Variants in TIMM23B observed in about 807,000 individuals in gnomAD.
TIMM23B encodes translocase of inner mitochondrial membrane 23 homolog B, also known as mitochondrial import inner membrane translocase subunit Tim23B.
A neutral mutation model predicts 27.3 loss-of-function variants in TIMM23B; 27 were observed. The ratio of observed to expected loss-of-function variants is 0.99; its 90% confidence interval spans 0.73 to 1.36. The LOEUF is 1.36. TIMM23B is among the 40% of genes most tolerant of loss of function. TIMM23B has a pLI of 0.00. For missense variants in TIMM23B, 205 were observed against 244.2 expected, an observed-to-expected ratio of 0.84 and a Z score of 1.07; for synonymous variants, 73 against 92.4, an observed-to-expected ratio of 0.79 and a Z score of 1.21.
intron 2 of TIMM23B, among the ~76,000 whole-genome samples, chr10:49,949,186 C>T (rs1471887865): frequency 7.1e-6 from 1 of 141,826 alleles, no homozygotes; most frequent in Non-Finnish European, 1.5e-5. Context: ...GCATGAGCCA[C>T]CATGCCTGGC....
chr10:49,942,996 CTAAAGA>C (rs1270022910), intron 1 of TIMM23B, among the ~76,000 whole-genome samples: 1 of 152,224 alleles, frequency 6.6e-6, no homozygotes, highest in African/African-American at 2.4e-5. Flanking sequence ...GAACTTGGAC[CTAAAGA>C]TAGGCAGTTG....
intron 6 of TIMM23B, among the ~76,000 whole-genome samples, chr10:49,960,184 C>T (rs1433700095): frequency 2.0e-5 from 3 of 150,776 alleles, no homozygotes; most frequent in Admixed American, 6.6e-5. Context: ...GCTGGGACTA[C>T]AGGCACACGC....
intron 4 of TIMM23B, among the ~76,000 whole-genome samples, chr10:49,953,214 A>G (rs1178950078): frequency 6.6e-6 from 1 of 152,168 alleles, no homozygotes; most frequent in Non-Finnish European, 1.5e-5. Flanking sequence ...TGGAATCATG[A>G]GTATGTATTC....
Position 49,951,490 on chromosome 10 carries a change from A to G in TIMM23B, c.166-636A>G, listed in dbSNP as rs1347900923. Among the ~76,000 whole-genome samples the G allele has an allele frequency of 3.9e-3, 587 of 152,046 alleles. 7 individuals carry two copies. Among genetic ancestry groups the G allele is most frequent in the African/African-American group, 0.014 (567 of 41,452 alleles). On this transcript the variant is annotated intron_variant, in intron 2 of 6. Transcript: ENST00000651259. ...CATTGACTCTTCAAAATTGGTAACC[A>G]TATTTTGCTCTTAAGAGTGTCATTT...
rs1554856861 is a variant in TIMM23B, at chr10:49,973,050, C to T, written c.553C>T (p.Leu185=). ...TTTGGATTCCCCGTTCTGTGTGCTGCTGTCTGGCTCCTGAACCCAGCTGTA... is the reference window on the plus strand; with the variant it reads ...TTTGGATTCCCCGTTCTGTGTGCTGTTGTCTGGCTCCTGAACCCAGCTGTA... ...MALDSPFCVL[L]SGS Residue 185 remains leucine, a synonymous_variant, in exon 7 of 7, where the codon CTG becomes TTG. Coordinates refer to ENST00000651259, the MANE Select transcript of TIMM23B (RefSeq NM_001290117.2). The T allele has an allele frequency of 6.5e-7, 1 of 1,533,038 alleles. No homozygotes were observed. Among genetic ancestry groups the T allele is most frequent in the Non-Finnish European group, 8.7e-7 (1 of 1,146,298 alleles). The allele number at this position is 1,533,038 out of a possible 1,614,324, so 95.0% of individuals were successfully genotyped here. A position where few individuals can be genotyped will look rare whatever the true frequency, so the allele number is the denominator to read the frequency against.
chr10:49,948,004 TTATATC>T (rs1433574578), intron 2 of TIMM23B, among the ~76,000 whole-genome samples: 2 of 152,178 alleles, frequency 1.3e-5, no homozygotes, highest in Non-Finnish European at 2.9e-5. Context: ...GATAAGGAAT[TTATATC>T]TAGAATATTT....
chr10:49,952,747 C>T (rs1441143087), intron 4 of TIMM23B, among the ~76,000 whole-genome samples: 1 of 147,518 alleles, frequency 6.8e-6, no homozygotes, highest in Non-Finnish European at 1.5e-5. Context: ...ATCAGTGTCC[C>T]TCAATCAGCT....
At chr10:49,958,521 G>C in intron 6 of TIMM23B, 41 bp downstream of exon 6, 2 of 1,591,816 alleles carry the variant, frequency 1.3e-6, no homozygotes, top group Non-Finnish European at 1.7e-6. Context: ...TAATATACTT[G>C]AAGTGCGCTT....
intron 4 of TIMM23B, 85 bp from the exon 5 acceptor site, chr10:49,954,917 A>G (rs1260720836): frequency 2.6e-6 from 4 of 1,537,148 alleles, no homozygotes; most frequent in Admixed American, 3.4e-5. Context: ...GGGTCTAGAC[A>G]TGTTAAATAG....
intron 5 of TIMM23B, 55 bp from the exon 6 acceptor site, chr10:49,958,315 A>G (rs1760443616): frequency 7.4e-7 from 1 of 1,354,058 alleles, no homozygotes; most frequent in African/African-American, 1.4e-5. Context: ...TATGTATATC[A>G]TAATATCACA....
intron 2 of TIMM23B, among the ~76,000 whole-genome samples, 184 bp from the exon 3 acceptor site, chr10:49,951,942 G>T (rs1490696907): frequency 6.6e-6 from 1 of 152,126 alleles, no homozygotes; most frequent in Non-Finnish European, 1.5e-5. Flanking sequence ...ACTGTGTTTC[G>T]TATTTCATTT....
intron 2 of TIMM23B, among the ~76,000 whole-genome samples, chr10:49,945,999 G>T (rs1220156186): frequency 5.1e-4 from 77 of 152,324 alleles, no homozygotes; most frequent in South Asian, 4.1e-4. Flanking sequence ...AGACCAGCCT[G>T]GCCAACATAG....
intron 3 of TIMM23B, 69 bp from the exon 4 acceptor site, chr10:49,952,380 T>C (rs1384444145): frequency 3.2e-6 from 5 of 1,543,254 alleles, no homozygotes; most frequent in Non-Finnish European, 4.4e-6. Flanking sequence ...GAAGTGTAGT[T>C]ATGCAGTTTT....
chr10:49,943,250 C>T (rs1404566230), intron 1 of TIMM23B: 4 of 151,800 alleles, frequency 2.6e-5, no homozygotes, highest in Admixed American at 2.0e-4. Flanking sequence ...GGACCTCGTT[C>T]TGTCACCCAT....
At chr10:49,954,300 G>A in intron 4 of TIMM23B, 3 of 452,790 alleles carry the variant, frequency 6.6e-6, no homozygotes, top group South Asian at 1.7e-5. Flanking sequence ...TCATCCAGTT[G>A]CCTCCATCAC....
At chr10:49,952,336 T>C in intron 3 of TIMM23B, 113 bp from the exon 4 acceptor site, 1 of 1,468,728 alleles carries the variant, frequency 6.8e-7, no homozygotes, top group South Asian at 1.3e-5. Context: ...TTTACATTTG[T>C]CTTTTTCTAT....
chr10:49,973,089 A>G lies in TIMM23B; in HGVS notation c.*25A>G, dbSNP rs782218570. The G allele has an allele frequency of 2.3e-5, 36 of 1,532,314 alleles. No homozygotes were observed. The highest frequency in any genetic ancestry group is 1.5e-4 in the South Asian group (13 of 83,950). 94.9% of individuals were successfully genotyped at this position (1,532,314 alleles called of 1,614,324 possible). A position where few individuals can be genotyped will look rare whatever the true frequency, so the allele number is the denominator to read the frequency against. On this transcript the variant is annotated 3_prime_UTR_variant, in exon 7 of 7. Transcript: ENST00000651259. ...AACCCAGCTGTAGAGGTGTGTGTCA[A>G]TCCCAACTGGTGAAGTACTGAGAAG... is the stretch of plus-strand genomic sequence containing the variant.
At position 49,949,197 on chromosome 10, in the gene TIMM23B, CT is replaced by C. The variant is rs1318050672; in HGVS notation, c.166-2907del. Among the ~76,000 whole-genome samples the C allele has an allele frequency of 2.3e-4, 25 of 106,590 alleles. No homozygotes were observed. In the East Asian group the frequency reaches 3.3e-3, roughly 14 times the overall value. The allele number at this position is 106,590 out of a possible 152,430, so 69.9% of individuals were successfully genotyped here. The stretch of plus-strand genomic sequence containing the variant: ...ACAGGCATGAGCCACCATGCCTGGC[CT>C]TTTTTTTTTTTTTTTTTTTTTAAGA... On this transcript the variant is annotated intron_variant, in intron 2 of 6. Coordinates refer to ENST00000651259, the MANE Select transcript of TIMM23B (RefSeq NM_001290117.2).
chr10:49,972,752 T>C, intron 6 of TIMM23B: 1 of 517,452 alleles, frequency 1.9e-6, no homozygotes, highest in Non-Finnish European at 3.5e-6. Flanking sequence ...TGCATGAAAG[T>C]GTTTTAGTAG....
Sources: gnomAD v4.1 joint callset for allele counts (sites outside exome capture counted in the v4.1 genomes callset) on GRCh38, gnomAD v4.1.1 for gene constraint, MANE v1.5 for transcripts, NCBI Gene and HGNC (gene_info 2026-07-23, HGNC 2026-07-21) for gene names.